Variants in EYS observed in about 807,000 individuals in gnomAD.
EYS encodes the protein protein eyes shut homolog.
A neutral mutation model predicts 282.1 loss-of-function variants in EYS; 250 were observed. The ratio of observed to expected loss-of-function variants is 0.89; its 90% CI spans 0.80 to 0.98. EYS has a LOEUF of 0.98. Among genes scored for constraint, EYS ranks in the 50% least tolerant of loss-of-function variants. The pLI is 0.00. For missense variants in EYS, 4,016 were observed against 3,709.0 expected, an observed-to-expected ratio of 1.08 and a Z score of -2.15; for synonymous variants, 1,355 against 1,282.9, an observed-to-expected ratio of 1.06 and a Z score of -1.20.
chr6:65,633,099 TACC>T (rs1666767816), intron 2 of EYS, among the ~76,000 whole-genome samples: 1 of 152,210 alleles, frequency 6.6e-6, no homozygotes, highest in African/African-American at 2.4e-5. Flanking sequence ...TTTTTCTTGC[TACC>T]ACAACGTAAT....
chr6:63,994,712 T>C (rs1470840866), intron 34 of EYS, among the ~76,000 whole-genome samples: 1 of 152,012 alleles, frequency 6.6e-6, no homozygotes, highest in Non-Finnish European at 1.5e-5. Flanking sequence ...AGCTCTATGA[T>C]AATATTTTCA....
intron 33 of EYS, among the ~76,000 whole-genome samples, chr6:64,064,137 T>G (rs189135805): frequency 5.3e-5 from 8 of 152,348 alleles, no homozygotes; most frequent in African/African-American, 1.9e-4. Flanking sequence ...TGCATCATGT[T>G]TCTTTCATTA....
intron 33 of EYS, among the ~76,000 whole-genome samples, chr6:64,006,938 A>G (rs921905868): frequency 2.0e-5 from 3 of 152,104 alleles, no homozygotes; most frequent in Non-Finnish European, 4.4e-5. Flanking sequence ...CATCGAAGAT[A>G]TTGGCCTGAA....
At chr6:65,108,904 C>T (rs1775124098) in intron 12 of EYS, among the ~76,000 whole-genome samples, 1 of 151,950 alleles carries the variant, frequency 6.6e-6, no homozygotes, top group African/African-American at 2.4e-5. Flanking sequence ...TTCTGTTCTT[C>T]ACCTTGGGTG....
intron 35 of EYS, among the ~76,000 whole-genome samples, chr6:63,873,454 A>T (rs1483383446): frequency 6.6e-6 from 1 of 152,156 alleles, no homozygotes; most frequent in Non-Finnish European, 1.5e-5. Flanking sequence ...ATAGTGCTGA[A>T]ATAAACATAC....
At chr6:64,134,535 C>T (rs533475159) in intron 31 of EYS, among the ~76,000 whole-genome samples, 20 of 151,806 alleles carry the variant, frequency 1.3e-4, no homozygotes, top group African/African-American at 3.9e-4. Context: ...AAAGTTTTGA[C>T]GATGGATTAG....
chr6:63,955,068 A>G (rs903382588), intron 35 of EYS, among the ~76,000 whole-genome samples: 1 of 152,134 alleles, frequency 6.6e-6, no homozygotes, highest in Non-Finnish European at 1.5e-5. Context: ...AAACTAAAAT[A>G]TCTCTTGGTC....
intron 16 of EYS, among the ~76,000 whole-genome samples, chr6:64,908,667 A>G (rs143551595): frequency 6.6e-6 from 1 of 152,228 alleles, no homozygotes; most frequent in East Asian, 2.0e-4. Flanking sequence ...GTCTTCCTGT[A>G]CAACCTGAAG....
chr6:64,292,018 T>A (rs1768733701), intron 30 of EYS, among the ~76,000 whole-genome samples: 1 of 152,150 alleles, frequency 6.6e-6, no homozygotes. Flanking sequence ...TATTATTGTC[T>A]CCACTTTATT....
At position 65,647,975 on chromosome 6, in the gene EYS, G is replaced by A. The variant is rs546254615; in HGVS notation, c.-447-8083C>T. 1.3e-4 allele frequency among the ~76,000 whole-genome samples: 20 copies of A among 151,700 alleles called. 1 individual carries two copies. In the South Asian group the frequency reaches 1.5e-3, roughly 11 times the overall value. Reference sequence around the variant, plus strand: ...TCAGGAAAATACAAATCAAAACCACGATGTGCTACCATCTTACTGCTGCAA... The same window carrying A: ...TCAGGAAAATACAAATCAAAACCACAATGTGCTACCATCTTACTGCTGCAA... On this transcript the variant is annotated intron_variant, in intron 1 of 42. Transcript: ENST00000503581.
intron 33 of EYS, among the ~76,000 whole-genome samples, chr6:64,014,060 A>T (rs766273922): frequency 3.3e-5 from 5 of 152,160 alleles, no homozygotes; most frequent in African/African-American, 4.8e-5. Context: ...ATTAAAACTC[A>T]GGACTTAAAA....
chr6:64,607,798 G>A (rs1415380839), intron 24 of EYS, among the ~76,000 whole-genome samples: 1 of 152,076 alleles, frequency 6.6e-6, no homozygotes, highest in Non-Finnish European at 1.5e-5. Context: ...CTGACGTAGT[G>A]CTCATGGATA....
chr6:63,937,803 A>G (rs1485008527), intron 35 of EYS, among the ~76,000 whole-genome samples: 1 of 152,128 alleles, frequency 6.6e-6, no homozygotes, highest in East Asian at 1.9e-4. Context: ...ACTATGCTGG[A>G]TATTTAATAT....
At chr6:65,364,357 G>C (rs1380550916) in intron 8 of EYS, among the ~76,000 whole-genome samples, 1 of 150,264 alleles carries the variant, frequency 6.7e-6, no homozygotes, top group Non-Finnish European at 1.5e-5. Flanking sequence ...CATTACATAG[G>C]AAACAGTTAC....
At position 63,720,583 on chromosome 6, in the gene EYS, C is replaced by A. The variant is rs549203667; in HGVS notation, c.*13G>T. On this transcript the variant is annotated 3_prime_UTR_variant, in exon 43 of 43. Coordinates refer to ENST00000503581, the MANE Select transcript of EYS (RefSeq NM_001142800.2). ...ATTTATGTATAGTGTGTACTAAAATCTCTAGTGTTAACTTATGTAACCTCA... is the reference window on the plus strand; with the variant it reads ...ATTTATGTATAGTGTGTACTAAAATATCTAGTGTTAACTTATGTAACCTCA... 1 of 1,446,186 alleles carries A rather than the reference C, an allele frequency of 6.9e-7. No homozygotes were observed. Among genetic ancestry groups the A allele is most frequent in the Admixed American group, 2.7e-5 (1 of 36,976 alleles). 89.6% of individuals were successfully genotyped at this position (1,446,186 alleles called of 1,614,324 possible).
At chr6:63,878,768 C>T (rs1773048809) in intron 35 of EYS, among the ~76,000 whole-genome samples, 2 of 152,180 alleles carry the variant, frequency 1.3e-5, no homozygotes, top group South Asian at 4.1e-4. Flanking sequence ...GTGTGGGACC[C>T]TCTGAGCCAG....
intron 14 of EYS, among the ~76,000 whole-genome samples, chr6:64,980,212 C>T (rs935503567): frequency 6.6e-6 from 1 of 151,458 alleles, no homozygotes; most frequent in Non-Finnish European, 1.5e-5. Flanking sequence ...TTTCAACATG[C>T]CACAATAATG....
At chr6:65,640,228 T>C (rs1767230827) in intron 1 of EYS, among the ~76,000 whole-genome samples, 1 of 152,172 alleles carries the variant, frequency 6.6e-6, no homozygotes, top group Non-Finnish European at 1.5e-5. Flanking sequence ...TTTAAACCTA[T>C]GAACCCAAAT....
At chr6:65,647,915 C>T (rs1031496273) in intron 1 of EYS, among the ~76,000 whole-genome samples, 1 of 152,028 alleles carries the variant, frequency 6.6e-6, no homozygotes, top group Non-Finnish European at 1.5e-5. Context: ...AAATGGCCAG[C>T]AAACATATAG....
Sources: allele counts gnomAD v4.1 joint callset (sites outside exome capture counted in the v4.1 genomes callset), GRCh38; gene constraint gnomAD v4.1.1; transcripts MANE v1.5; gene names NCBI Gene and HGNC (gene_info 2026-07-23, HGNC 2026-07-21).